The following BIVM variants were observed in gnomAD, a reference collection of about 807,000 sequenced individuals.
The protein encoded by BIVM is basic immunoglobulin-like variable motif-containing protein.
Under a neutral mutation model 61.4 loss-of-function variants are expected in BIVM, and 31 were observed. The ratio of observed to expected loss-of-function variants is 0.51; its 90% confidence interval spans 0.38 to 0.68. The LOEUF (loss-of-function observed/expected upper bound fraction) is 0.68, where lower values mean the gene tolerates loss of function less well. BIVM is among the 30% of genes least tolerant of loss of function. The pLI is 0.00. For missense variants in BIVM, 526 were observed against 596.0 expected, an observed-to-expected ratio of 0.88 and a Z score of 1.22; for synonymous variants, 189 against 210.7, an observed-to-expected ratio of 0.90 and a Z score of 0.89.
intron 7 of BIVM, among the ~76,000 whole-genome samples, chr13:102,824,862 C>T (rs1040998420): frequency 6.6e-6 from 1 of 152,124 alleles, no homozygotes; most frequent in East Asian, 1.9e-4. Flanking sequence ...TAGGCTCAAG[C>T]GATCCTTTCC....
At chr13:102,817,684 AAT>A (rs1879960432) in intron 4 of BIVM, among the ~76,000 whole-genome samples, 1 of 148,526 alleles carries the variant, frequency 6.7e-6, no homozygotes, top group African/African-American at 2.6e-5. Context: ...TCAAAATTCC[AAT>A]TTTTTTTTTT....
chr13:102,838,018 C>CA (rs1341932849), intron 9 of BIVM, among the ~76,000 whole-genome samples: 1 of 151,850 alleles, frequency 6.6e-6, no homozygotes, highest in African/African-American at 2.4e-5. Context: ...TTGGTATAAC[C>CA]AAAACCCAGC....
rs113766109 is a variant in BIVM, at chr13:102,821,524, C to A, written c.702-219C>A. Among the ~76,000 whole-genome samples the A allele has an allele frequency of 9.8e-3, 1,494 of 152,188 alleles. 21 individuals are homozygous for A. The highest frequency in any genetic ancestry group is 0.033 in the African/African-American group (1,349 of 41,498). ...GACTGAGGCAAGAGGATCACTTGAG[C>A]CCAGGAGTTTAAGGCTGCAGTGAGC... On this transcript the variant is annotated intron_variant, in intron 5 of 10. Coordinates refer to ENST00000257336, the MANE Select transcript of BIVM (RefSeq NM_017693.4).
At position 102,826,732 on chromosome 13, in the gene BIVM, TG is replaced by T. The variant is rs111884542; in HGVS notation, c.901+4574del. Among the ~76,000 whole-genome samples the T allele has an allele frequency of 2.0e-3, 308 of 152,346 alleles. 3 individuals are homozygous for T. Among genetic ancestry groups the T allele is most frequent in the African/African-American group, 7.1e-3 (296 of 41,580 alleles). ...TTTTACTTGTTTTCTTTTTGCCTGC[TG>T]ATTAGAAGAGGACTTCATTTGAGTA... On this transcript the variant is annotated intron_variant, in intron 7 of 10. Transcript: ENST00000257336.
chr13:102,806,757 A>C (rs1347367889), intron 2 of BIVM, among the ~76,000 whole-genome samples: 2 of 151,950 alleles, frequency 1.3e-5, no homozygotes, highest in African/African-American at 4.8e-5. Flanking sequence ...CTAAAAATAC[A>C]AAATTAGCCG....
intron 3 of BIVM, among the ~76,000 whole-genome samples, chr13:102,814,861 T>C (rs925092035): frequency 6.6e-6 from 1 of 152,122 alleles, no homozygotes; most frequent in African/African-American, 2.4e-5. Flanking sequence ...CTGGGCAACA[T>C]AGTGAGACCC....
rs777601002 is a variant in BIVM at position 102,821,149 on chromosome 13, A to C, written c.701+17A>C. On this transcript the variant is annotated intron_variant, in intron 5 of 10. Coordinates refer to ENST00000257336, the MANE Select transcript of BIVM (RefSeq NM_017693.4). ...AGCTGGAAAGTAAGTATGTCAATTT[A>C]TCAGTACCCCCAAACTCCAAAGTAA... 5.6e-6 allele frequency: 9 copies of C among 1,597,670 alleles called. No individual in the cohort carries two copies. The East Asian group carries it at 1.8e-4, about 32-fold the overall frequency.
intron 7 of BIVM, among the ~76,000 whole-genome samples, chr13:102,827,251 A>ATG (rs1294088468): frequency 1.4e-5 from 2 of 146,660 alleles, no homozygotes; most frequent in African/African-American, 5.1e-5. Flanking sequence ...ATAATCTAGG[A>ATG]TGTGTAGCAT....
At chr13:102,809,079 T>C (rs563743813) in intron 3 of BIVM, among the ~76,000 whole-genome samples, 1 of 152,274 alleles carries the variant, frequency 6.6e-6, no homozygotes, top group East Asian at 1.9e-4. Context: ...TTTGGGTTTA[T>C]TTTGTTCTTC....
At chr13:102,828,615 A>C (rs551766194) in intron 7 of BIVM, among the ~76,000 whole-genome samples, 215 of 152,360 alleles carry the variant, frequency 1.4e-3, no homozygotes, top group South Asian at 8.1e-3. Flanking sequence ...CAGTGCTAAC[A>C]TACCCCTTTC....
Position 102,799,246 on chromosome 13 carries a change from T to C in BIVM, c.-482T>C, listed in dbSNP as rs1878580870. ...GATGCCCATCAAAGGGGCGCACGGG[T>C]CTGGAGGCGCAGCTCAGGTTTTTGC... On this transcript the variant is annotated 5_prime_UTR_variant, in exon 1 of 11. Coordinates refer to ENST00000257336, the MANE Select transcript of BIVM (RefSeq NM_017693.4). 1 of 289,636 alleles carries C rather than the reference T, an allele frequency of 3.5e-6. No homozygotes were observed. The highest frequency in any genetic ancestry group is 5.2e-5 in the Admixed American group (1 of 19,154). 17.9% of individuals were successfully genotyped at this position (289,636 alleles called of 1,614,324 possible). A position where few individuals can be genotyped will look rare whatever the true frequency, so the allele number is the denominator to read the frequency against.
At chr13:102,815,056 CA>C (rs1450885209) in intron 3 of BIVM, among the ~76,000 whole-genome samples, 2 of 152,022 alleles carry the variant, frequency 1.3e-5, no homozygotes, top group Non-Finnish European at 2.9e-5. Flanking sequence ...AACAAACAAA[CA>C]AACAAACAAA....
At chr13:102,811,311 G>A (rs1472534482) in intron 3 of BIVM, among the ~76,000 whole-genome samples, 4 of 152,116 alleles carry the variant, frequency 2.6e-5, no homozygotes, top group Non-Finnish European at 5.9e-5. Context: ...GAATGTCTGA[G>A]TTTCTTCTTC....
At chr13:102,825,103 C>T (rs887499694) in intron 7 of BIVM, among the ~76,000 whole-genome samples, 7 of 151,930 alleles carry the variant, frequency 4.6e-5, no homozygotes, top group African/African-American at 9.7e-5. Context: ...CCACCATGCC[C>T]GGCTAATTTT....
At chr13:102,806,551 A>G (rs1879099136) in intron 2 of BIVM, among the ~76,000 whole-genome samples, 1 of 152,120 alleles carries the variant, frequency 6.6e-6, no homozygotes, top group African/African-American at 2.4e-5. Context: ...GCCTGGCCTT[A>G]TTGGCAATTT....
At chr13:102,809,024 A>T (rs1879301854) in intron 3 of BIVM, among the ~76,000 whole-genome samples, 2 of 151,776 alleles carry the variant, frequency 1.3e-5, no homozygotes, top group Non-Finnish European at 2.9e-5. Flanking sequence ...TTTGTTTTCT[A>T]TTTCATTGGT....
intron 2 of BIVM, among the ~76,000 whole-genome samples, chr13:102,806,241 G>A (rs12585852): frequency 0.052 from 7,943 of 152,106 alleles, 227 homozygotes; most frequent in East Asian, 0.099. Context: ...ATCTTTTCAT[G>A]TGCTTATTGG....
intron 3 of BIVM, among the ~76,000 whole-genome samples, chr13:102,812,418 G>A (rs764075694): frequency 5.3e-5 from 8 of 152,034 alleles, no homozygotes; most frequent in Non-Finnish European, 1.2e-4. Flanking sequence ...TCTGTTTCTT[G>A]TGATTTTTTG....
chr13:102,824,124 A>G (rs1880489594), intron 7 of BIVM, among the ~76,000 whole-genome samples: 1 of 152,232 alleles, frequency 6.6e-6, no homozygotes, highest in African/African-American at 2.4e-5. Context: ...AGTTGTGTTC[A>G]TTAAAAGTTT....
Sources: gnomAD v4.1 joint callset for allele counts (sites outside exome capture counted in the v4.1 genomes callset) on GRCh38, gnomAD v4.1.1 for gene constraint, MANE v1.5 for transcripts, NCBI Gene and HGNC (gene_info 2026-07-23, HGNC 2026-07-21) for gene names.